IL1RAP: variants seen among roughly 807,000 people sequenced by gnomAD.
IL1RAP encodes the protein interleukin 1 receptor accessory protein, also known as interleukin-1 receptor accessory protein.
IL1RAP carries 35 observed loss-of-function variants against 60.7 expected under a neutral mutation model. That is an observed-to-expected ratio of 0.58 (90% CI 0.44 to 0.76). The LOEUF (loss-of-function observed/expected upper bound fraction) is 0.76. Among genes scored for constraint, IL1RAP ranks in the 30% least tolerant of loss-of-function variants. The pLI, the probability that IL1RAP is intolerant of heterozygous loss-of-function variation, is 0.00. For missense variants in IL1RAP, 572 were observed against 693.9 expected (o/e 0.82, Z 1.97); for synonymous variants, 268 against 250.9 (o/e 1.07, Z -0.64).
chr3:190,655,900 G>A (rs1734604640), downstream of IL1RAP: 1 of 1,536,796 alleles, frequency 6.5e-7, no homozygotes, highest in South Asian at 1.2e-5. Context: ...TACAGTGGAA[G>A]CAGTTTTTGA....
intron 6 of IL1RAP, among the ~76,000 whole-genome samples, chr3:190,620,941 G>A (rs1731725032): frequency 6.6e-6 from 1 of 152,158 alleles, no homozygotes; most frequent in South Asian, 2.1e-4. Context: ...ATTGCTGAAG[G>A]TATTTGCTGG....
chr3:190,558,176 T>A (rs1386881093), intron 2 of IL1RAP, among the ~76,000 whole-genome samples: 1 of 152,222 alleles, frequency 6.6e-6, no homozygotes, highest in Admixed American at 6.5e-5. Flanking sequence ...AATTTGTTGA[T>A]CCATTCACTT....
Position 190,558,979 on chromosome 3 carries a change from T to C in IL1RAP, c.-2+2763T>C, listed in dbSNP as rs548514738. ...AATGTGGCTTAGCTGGTTCCCTGCT[T>C]AGGGTTTCGTAAGGCTGAAATGATG... On this transcript the variant is annotated intron_variant, in intron 2 of 11. Coordinates refer to ENST00000447382, the MANE Select transcript of IL1RAP (RefSeq NM_002182.4). Among the ~76,000 whole-genome samples, 292 of 152,310 alleles carry C rather than the reference T, an allele frequency of 1.9e-3. 2 individuals are homozygous for C. Among genetic ancestry groups the C allele is most frequent in the African/African-American group, 6.9e-3 (287 of 41,560 alleles).
intron 1 of IL1RAP, among the ~76,000 whole-genome samples, chr3:190,540,285 G>A (rs1038050573): frequency 1.5e-4 from 23 of 151,930 alleles, no homozygotes; most frequent in Admixed American, 5.2e-4. Flanking sequence ...TTCCCAAGGT[G>A]TCTTATTACC....
chr3:190,623,798 G>A (rs1191682013), intron 7 of IL1RAP, among the ~76,000 whole-genome samples: 1 of 152,170 alleles, frequency 6.6e-6, no homozygotes, highest in Non-Finnish European at 1.5e-5. Context: ...GATCTTGAAG[G>A]CAAGACTGTG....
intron 1 of IL1RAP, among the ~76,000 whole-genome samples, chr3:190,550,938 C>T (rs1724807701): frequency 6.6e-6 from 1 of 152,174 alleles, no homozygotes; most frequent in African/African-American, 2.4e-5. Context: ...TGATTATTTG[C>T]ATAAAGTACA....
rs533752329 is a variant in IL1RAP, at chr3:190,644,379, A to G, written c.1183A>G (p.Thr395Ala). The change falls in exon 10 of 12, where the codon ACA becomes GCA. Residue 395 changes from threonine (T) to alanine (A), a missense_variant. Physicochemically the swap from Thr to Ala is moderately conservative, Grantham distance 58. Transcript: ENST00000447382. ...CCTATTTTACCGGGCTCATTTTGGA[A>G]CAGATGAAACCATTTTAGGTAAGTA... Reference protein sequence around the residue: ...MVLFYRAHFGTDETILDGKEY... With the variant: ...MVLFYRAHFGADETILDGKEY... 1.2e-6 allele frequency: 2 copies of G among 1,613,828 alleles called. No individual in the cohort carries two copies. Among genetic ancestry groups the G allele is most frequent in the South Asian group, 2.2e-5 (2 of 91,070 alleles).
At position 190,604,520 on chromosome 3, in the gene IL1RAP, T is replaced by TA. The variant is rs1476689885; in HGVS notation, c.350+108dup. The TA allele has an allele frequency of 4.3e-6, 5 of 1,162,486 alleles. No individual in the cohort carries two copies. In the East Asian group the frequency reaches 1.3e-4, roughly 30 times the overall value. The allele number at this position is 1,162,486 out of a possible 1,614,324, so 72.0% of individuals were successfully genotyped here. ...TGGGGAGAAGTCGGAAGCATTTAGA[T>TA]AGAGTTTAGTGAGGTAATTGTCTGC... On this transcript the variant is annotated intron_variant, in intron 4 of 11. Coordinates refer to ENST00000447382, the MANE Select transcript of IL1RAP (RefSeq NM_002182.4).
rs34578850 is a variant in IL1RAP at position 190,515,233 on chromosome 3, CT to C, written c.-89+1026del. ...GGGTTTTTCTTTTCTTTCTTTCTTC[CT>C]TTTTTTTTTTTCCAGCCAAAAAATG... On this transcript the variant is annotated intron_variant, in intron 1 of 11. Coordinates refer to ENST00000447382, the MANE Select transcript of IL1RAP (RefSeq NM_002182.4). Among the ~76,000 whole-genome samples, 192 of 144,630 alleles carry C rather than the reference CT, an allele frequency of 1.3e-3. 1 individual carries two copies. The highest frequency in any genetic ancestry group is 1.5e-3 in the Non-Finnish European group (96 of 66,040). 94.9% of individuals were successfully genotyped at this position (144,630 alleles called of 152,430 possible). A position where few individuals can be genotyped will look rare whatever the true frequency, so the allele number is the denominator to read the frequency against.
At chr3:190,594,841 T>C (rs1264215057) in intron 3 of IL1RAP, among the ~76,000 whole-genome samples, 3 of 152,208 alleles carry the variant, frequency 2.0e-5, no homozygotes, top group African/African-American at 7.2e-5. Context: ...TCTCAGTTTA[T>C]GTGTGGTGCT....
chr3:190,626,186 T>C (rs1483834902), intron 7 of IL1RAP, among the ~76,000 whole-genome samples: 1 of 152,216 alleles, frequency 6.6e-6, no homozygotes, highest in Non-Finnish European at 1.5e-5. Context: ...CTTCACTTAT[T>C]ACTGATTTAA....
intron 3 of IL1RAP, among the ~76,000 whole-genome samples, chr3:190,571,594 A>C (rs1230290808): frequency 6.6e-6 from 1 of 152,182 alleles, no homozygotes; most frequent in Non-Finnish European, 1.5e-5. Context: ...ATTAAATTGT[A>C]TTTATCATAT....
At chr3:190,651,775 GTGTGTA>G (rs71635331), downstream of IL1RAP, among the ~76,000 whole-genome samples, 13,504 of 151,570 alleles carry the variant, frequency 0.089, 1,221 homozygotes, top group East Asian at 0.26. Context: ...ATGTGTTTAT[GTGTGTA>G]TGTGTATGTG....
At chr3:190,625,123 T>G (rs977209559) in intron 7 of IL1RAP, 9 of 152,636 alleles carry the variant, frequency 5.9e-5, no homozygotes, top group African/African-American at 2.2e-4. Context: ...ATCCAGTGTT[T>G]GGGTGAGCAC....
At chr3:190,583,466 A>G (rs1297500218) in intron 3 of IL1RAP, among the ~76,000 whole-genome samples, 1 of 152,222 alleles carries the variant, frequency 6.6e-6, no homozygotes, top group African/African-American at 2.4e-5. Flanking sequence ...GTGAGTGCAA[A>G]CAATACTCAT....
chr3:190,582,307 C>A (rs1006482869), intron 3 of IL1RAP, among the ~76,000 whole-genome samples: 2 of 150,506 alleles, frequency 1.3e-5, no homozygotes, highest in African/African-American at 2.4e-5. Flanking sequence ...CATTCTTGAA[C>A]TTTTCTTTTC....
rs570707216 is a variant in IL1RAP at position 190,551,323 on chromosome 3, G to C, written c.-88-4807G>C. ...CAAACAGTTTCTGCAATTGTGTCCTGTTGCAAAAGAAAAATGGATGCTTAT... is the reference window on the plus strand; with the variant it reads ...CAAACAGTTTCTGCAATTGTGTCCTCTTGCAAAAGAAAAATGGATGCTTAT... On this transcript the variant is annotated intron_variant, in intron 1 of 11. Transcript: ENST00000447382. 1.1e-4 allele frequency among the ~76,000 whole-genome samples: 17 copies of C among 152,268 alleles called. 1 individual carries two copies. Among genetic ancestry groups the C allele is most frequent in the East Asian group, 3.9e-4 (2 of 5,182 alleles).
At chr3:190,612,479 G>GT (rs1284248370) in intron 5 of IL1RAP, among the ~76,000 whole-genome samples, 2 of 151,946 alleles carry the variant, frequency 1.3e-5, no homozygotes, top group East Asian at 3.9e-4. Context: ...AGACCAAATT[G>GT]TACCACCTTT....
Position 190,574,280 on chromosome 3 carries a change from T to C in IL1RAP, c.64+9927T>C, listed in dbSNP as rs140005607. Among the ~76,000 whole-genome samples, 54 of 152,294 alleles carry C rather than the reference T, an allele frequency of 3.5e-4. 1 individual carries two copies. In the East Asian group the frequency reaches 0.01, roughly 28 times the overall value. The stretch of plus-strand genomic sequence containing the variant: ...TTCCTGAAACATATACAGTACATTT[T>C]AATTGTGTATATTTAGATAATATAC... On this transcript the variant is annotated intron_variant, in intron 3 of 11. Transcript: ENST00000447382.
Sources: allele counts gnomAD v4.1 joint callset (sites outside exome capture counted in the v4.1 genomes callset), GRCh38; gene constraint gnomAD v4.1.1; transcripts MANE v1.5; gene names NCBI Gene and HGNC (gene_info 2026-07-23, HGNC 2026-07-21).